The following AMPD2 variants were observed in gnomAD, a reference collection of about 807,000 sequenced individuals.
AMPD2 encodes the protein adenosine monophosphate deaminase 2.
AMPD2 carries 52 observed loss-of-function variants against 91.3 expected under a neutral mutation model. That is an observed-to-expected ratio of 0.57 (90% CI 0.46 to 0.72). AMPD2 has a LOEUF of 0.72. Ranked by LOEUF, AMPD2 falls within the 30% of genes least tolerant of loss-of-function variation. The pLI is 0.00. For missense variants in AMPD2, 822 were observed against 1,122.3 expected (o/e 0.73, Z 3.82); for synonymous variants, 455 against 456.4 (o/e 1.00, Z 0.04).
In AMPD2 at chr1:109,620,520, G is replaced by A. The variant is rs890925389; in HGVS notation, c.-263+242G>A. ...GTCTCCTGGCCTTCCTGCCTTCCTG[G>A]GAGGTAGCTATTTGGCGACGGTGGA... On this transcript the variant is annotated intron_variant, in intron 1 of 18. Transcript: ENST00000528667. 8.4e-5 allele frequency: 104 copies of A among 1,240,636 alleles called. 1 individual carries two copies. The highest frequency in any genetic ancestry group is 2.1e-5 in the Non-Finnish European group (20 of 975,378). The allele number at this position is 1,240,636 out of a possible 1,614,324, so 76.9% of individuals were successfully genotyped here.
chr1:109,627,462 G>A lies in AMPD2; in HGVS notation c.894G>A (p.Leu298=), dbSNP rs2101161948. 6.2e-7 allele frequency: 1 copy of A among 1,614,074 alleles called. No homozygotes were observed. The highest frequency in any genetic ancestry group is 8.5e-7 in the Non-Finnish European group (1 of 1,179,982). ...CSEVELPYPD[L]QEFVADVNVL... The stretch of plus-strand genomic sequence containing the variant: ...AGGTGGAGCTGCCATACCCTGACCT[G>A]CAGGAATTTGTGGCTGACGTCAATG... Residue 298 remains leucine (L), a synonymous_variant, in exon 9 of 19, where the codon CTG becomes CTA. Transcript: ENST00000528667.
chr1:109,622,459 G>A (rs900945067), intron 2 of AMPD2: 2 of 364,198 alleles, frequency 5.5e-6, no homozygotes, highest in Non-Finnish European at 1.1e-5. Flanking sequence ...GGGAGATGGG[G>A]TGCTCAGAAT....
intron 5 of AMPD2, 22 bp downstream of exon 5, chr1:109,626,250 A>C (rs750254503): frequency 6.2e-7 from 1 of 1,613,540 alleles, no homozygotes; most frequent in Non-Finnish European, 8.5e-7. Context: ...AGAGGGGCAC[A>C]GGGGATGCGG....
Position 109,629,804 on chromosome 1 carries a change from G to A in AMPD2, c.1871G>A (p.Gly624Asp). The A allele has an allele frequency of 6.3e-7, 1 of 1,597,974 alleles. No homozygotes were observed. The highest frequency in any genetic ancestry group is 8.5e-7 in the Non-Finnish European group (1 of 1,169,644). ...GTCTTCATGTCCCCCAGGCAGAGGG[G>A]CTTCCACACGTTTGTGCTGAGGCCA... ...AMLNHLRRQRGFHTFVLRPHC... is the reference protein window; with the variant it reads ...AMLNHLRRQRDFHTFVLRPHC... Residue 624 changes from glycine (G) to aspartate (D), a missense_variant, in exon 16 of 19, where the codon GGC becomes GAC. Physicochemically the swap from Gly to Asp is moderately conservative, Grantham distance 94 (BLOSUM62 -1). This residue lies in a region of AMPD2 where 430 missense variants were observed against 606.0 expected (regional missense o/e 0.71). Coordinates refer to ENST00000528667, the MANE Select transcript of AMPD2 (RefSeq NM_001368809.2).
intron 7 of AMPD2, 107 bp downstream of exon 7, chr1:109,627,019 T>C: frequency 1.9e-6 from 3 of 1,541,772 alleles, no homozygotes; most frequent in Non-Finnish European, 2.6e-6. Context: ...CAACCCAGGC[T>C]CATTCCAACC....
chr1:109,630,816 C>T (rs1189902713), intron 18 of AMPD2, 23 bp downstream of exon 18: 1 of 1,597,616 alleles, frequency 6.3e-7, no homozygotes, highest in Non-Finnish European at 8.5e-7. Context: ...CTGCCTGGAC[C>T]TTGGCATGGC....
At chr1:109,627,593 T>TCCCATCA in intron 9 of AMPD2, 75 bp downstream of exon 9, 1 of 1,566,106 alleles carries the variant, frequency 6.4e-7, no homozygotes, top group Non-Finnish European at 8.8e-7. Flanking sequence ...TGCCCCAGAC[T>TCCCATCA]CCCATCACCT....
In AMPD2 at chr1:109,631,708, C is replaced by T. The variant is rs543205771; in HGVS notation, c.*556C>T. 7.3e-5 allele frequency: 12 copies of T among 163,504 alleles called. No individual in the cohort carries two copies. Among genetic ancestry groups the T allele is most frequent in the South Asian group, 6.2e-4 (4 of 6,502 alleles). The allele number at this position is 163,504 out of a possible 1,614,324, so 10.1% of individuals were successfully genotyped here. A position where few individuals can be genotyped will look rare whatever the true frequency, so the allele number is the denominator to read the frequency against. On this transcript the variant is annotated 3_prime_UTR_variant, in exon 19 of 19. Transcript: ENST00000528667. ...GGGCTTCCTGGCCTGAGTGGGTAGA[C>T]GCAGGCGGCAGAGGTGCTGGACCAC...
In AMPD2 at chr1:109,625,692, GAGCTCCGT is replaced by G. The variant is rs1557930782; in HGVS notation, c.256_263del (p.Leu86CysfsTer4). ...GTTCACCCGCTCACTGGCTGAGAGC[GAGCTCCGT>G]AGTGCCCCGTATGAGTTCCCCGAGG... On this transcript the variant is annotated frameshift_variant, in exon 4 of 19. Coordinates refer to ENST00000528667, the MANE Select transcript of AMPD2 (RefSeq NM_001368809.2). LOFTEE classifies it high-confidence loss of function. The surrounding 1 kb of genome is among the most constrained non-coding windows in gnomAD (Gnocchi z 4.0). 1 of 1,614,112 alleles carries G rather than the reference GAGCTCCGT, an allele frequency of 6.2e-7. No homozygotes were observed. Among genetic ancestry groups the G allele is most frequent in the Non-Finnish European group, 8.5e-7 (1 of 1,180,006 alleles).
Position 109,625,447 on chromosome 1 carries a change from CCACCCG to C in AMPD2, c.222+20_222+25del, listed in dbSNP as rs1314109858. 2 of 1,613,750 alleles carry C rather than the reference CCACCCG, an allele frequency of 1.2e-6. No individual in the cohort carries two copies. Among genetic ancestry groups the C allele is most frequent in the African/African-American group, 2.7e-5 (2 of 74,902 alleles). On this transcript the variant is annotated intron_variant, in intron 3 of 18. Coordinates refer to ENST00000528667, the MANE Select transcript of AMPD2 (RefSeq NM_001368809.2). This position sits in a 1 kb window ranked among gnomAD's most constrained non-coding sequence, Gnocchi z 4.0. The stretch of plus-strand genomic sequence containing the variant: ...GAGATCGCCGAGGTATCACCTGGCA[CCACCCG>C]CACCCTCACCCCGTGTCTCCATGCC...
intron 1 of AMPD2, chr1:109,620,544 G>C (rs1650154497): frequency 1.0e-5 from 13 of 1,267,508 alleles, no homozygotes; most frequent in Non-Finnish European, 1.3e-5. Flanking sequence ...GGCGACGGTG[G>C]AATTTTCCCG....
rs1354926005 is a variant in AMPD2, at chr1:109,628,751, A to G, written c.1516A>G (p.Met506Val). Residue 506 changes from methionine (M) to valine (V), a missense_variant, in exon 13 of 19, where the codon ATG becomes GTG. This residue lies in a region of AMPD2 where 430 missense variants were observed against 606.0 expected (regional missense o/e 0.71). Coordinates refer to ENST00000528667, the MANE Select transcript of AMPD2 (RefSeq NM_001368809.2). The surrounding 1 kb of genome is among the most constrained non-coding windows in gnomAD (Gnocchi z 7.1). ...EWDKLARWAV[M>V]HRVHSPNVRW... ...GGACAAGCTGGCGCGCTGGGCCGTC[A>G]TGCACCGCGTGCACTCCCCCAACGT... The G allele has an allele frequency of 6.3e-7, 1 of 1,596,406 alleles. No individual in the cohort carries two copies. The highest frequency in any genetic ancestry group is 8.5e-7 in the Non-Finnish European group (1 of 1,170,932).
rs781615659 is a variant in AMPD2 at position 109,625,399 on chromosome 1, C to G, written c.188C>G (p.Thr63Arg). 1 of 1,614,000 alleles carries G rather than the reference C, an allele frequency of 6.2e-7. No homozygotes were observed. Residue 63 changes from threonine (T) to arginine (R), a missense_variant, in exon 3 of 19, where the codon ACG becomes AGG. This residue lies in a region of AMPD2 where 105 missense variants were observed against 125.0 expected (regional missense o/e 0.84). Coordinates refer to ENST00000528667, the MANE Select transcript of AMPD2 (RefSeq NM_001368809.2). This position sits in a 1 kb window ranked among gnomAD's most constrained non-coding sequence, Gnocchi z 4.0. The stretch of plus-strand genomic sequence containing the variant: ...AAGCACTTCCCGCTCGACCTGCGCA[C>G]GTCTATGGATGGCAAATGCAAGGAG... Reference protein sequence around the residue: ...CLKHFPLDLRTSMDGKCKEIA... With the variant: ...CLKHFPLDLRRSMDGKCKEIA...
intron 2 of AMPD2, 173 bp downstream of exon 2, chr1:109,621,439 T>TGGGGGGGGGGGGGGGGGG: frequency 1.6e-5 from 2 of 121,626 alleles, no homozygotes; most frequent in Non-Finnish European, 3.3e-5. Flanking sequence ...TGAGGGGTGG[T>TGGGGGGGGGGGGGGGGGG]GGGGGGCGGG....
intron 2 of AMPD2, among the ~76,000 whole-genome samples, chr1:109,621,898 C>T (rs1311826791): frequency 6.6e-6 from 1 of 152,240 alleles, no homozygotes; most frequent in African/African-American, 2.4e-5. Flanking sequence ...GCTGCCCGCA[C>T]TGTGTGTGCT....
At position 109,626,340 on chromosome 1, in the gene AMPD2, G is replaced by A. The variant is rs754879932; in HGVS notation, c.444G>A (p.Glu148=). ...GCAGGCTCTACAAGGAACAGGGTGAGGGGCAGGGTGACCGGAGCCTGCGGG... is the reference window on the plus strand; with the variant it reads ...GCAGGCTCTACAAGGAACAGGGTGAAGGGCAGGGTGACCGGAGCCTGCGGG... ...SDLQLYKEQG[E]GQGDRSLRER... is the part of the protein sequence containing the mutation. Residue 148 remains glutamate, a synonymous_variant, in exon 6 of 19, where the codon GAG becomes GAA. Coordinates refer to ENST00000528667, the MANE Select transcript of AMPD2 (RefSeq NM_001368809.2). The A allele has an allele frequency of 6.2e-7, 1 of 1,613,150 alleles. No individual in the cohort carries two copies. Among genetic ancestry groups the A allele is most frequent in the South Asian group, 1.1e-5 (1 of 91,070 alleles).
At chr1:109,621,834 C>T (rs1480807325) in intron 2 of AMPD2, among the ~76,000 whole-genome samples, 1 of 152,214 alleles carries the variant, frequency 6.6e-6, no homozygotes, top group Admixed American at 6.5e-5. Context: ...TGTGAGCCTC[C>T]TTAGGAGTAT....
In AMPD2 at chr1:109,628,036, G is replaced by C; in HGVS notation, c.1081-47G>C. On this transcript the variant is annotated intron_variant, in intron 10 of 18. Transcript: ENST00000528667. The surrounding 1 kb of genome is among the most constrained non-coding windows in gnomAD (Gnocchi z 7.1). Reference sequence around the variant, plus strand: ...TCCCATTGCACTGCCCCAGGCCCCAGACCTTCCTGGCCTCTGGTGGATCAG... The same window carrying C: ...TCCCATTGCACTGCCCCAGGCCCCACACCTTCCTGGCCTCTGGTGGATCAG... The C allele has an allele frequency of 6.2e-7, 1 of 1,601,960 alleles. No individual in the cohort carries two copies. The highest frequency in any genetic ancestry group is 8.5e-7 in the Non-Finnish European group (1 of 1,172,682).
Position 109,625,971 on chromosome 1 carries a change from G to A in AMPD2, c.353+179G>A. On this transcript the variant is annotated intron_variant, in intron 4 of 18. Coordinates refer to ENST00000528667, the MANE Select transcript of AMPD2 (RefSeq NM_001368809.2). This position sits in a 1 kb window ranked among gnomAD's most constrained non-coding sequence, Gnocchi z 4.0. Reference sequence around the variant, plus strand: ...GTCTTCTAGCCGCCGGTGTGGCTGGGTCATGTTGCTTAACTTATGGGTCTG... The same window carrying A: ...GTCTTCTAGCCGCCGGTGTGGCTGGATCATGTTGCTTAACTTATGGGTCTG... 4 of 1,178,666 alleles carry A rather than the reference G, an allele frequency of 3.4e-6. No individual in the cohort carries two copies. The highest frequency in any genetic ancestry group is 5.1e-5 in the East Asian group (2 of 39,054). The allele number at this position is 1,178,666 out of a possible 1,614,324, so 73.0% of individuals were successfully genotyped here.
Sources: gnomAD v4.1 joint callset for allele counts (sites outside exome capture counted in the v4.1 genomes callset) on GRCh38, gnomAD v4.1.1 for gene constraint, gnomAD v4.1.1 regional missense constraint, Gnocchi (gnomAD v3.1) non-coding constraint, MANE v1.5 for transcripts, NCBI Gene and HGNC (gene_info 2026-07-23, HGNC 2026-07-21) for gene names.